The following ATP11A variants were observed in gnomAD, a reference collection of about 807,000 sequenced individuals.
ATP11A encodes the protein ATPase phospholipid transporting 11A, also known as phospholipid-transporting ATPase IH.
A neutral mutation model predicts 154.4 loss-of-function variants in ATP11A; 81 were observed. The ratio of observed to expected loss-of-function variants is 0.52; its 90% CI spans 0.44 to 0.63. The LOEUF is 0.63. Ranked by LOEUF, ATP11A falls within the 30% of genes least tolerant of loss-of-function variation. The pLI is 0.00. For synonymous variants in ATP11A, 623 were observed against 585.9 expected (o/e 1.06, Z -0.91); for missense variants, 1,316 against 1,474.3 (o/e 0.89, Z 1.76).
At chr13:112,818,692 C>A (rs1234551752) in intron 6 of ATP11A, among the ~76,000 whole-genome samples, 3 of 152,194 alleles carry the variant, frequency 2.0e-5, no homozygotes, top group Non-Finnish European at 2.9e-5. Flanking sequence ...GCATCGGCAT[C>A]ACTGGGCACC....
intron 25 of ATP11A, among the ~76,000 whole-genome samples, chr13:112,864,108 C>G (rs71446659): frequency 1.8e-4 from 9 of 50,926 alleles, no homozygotes; most frequent in Admixed American, 2.5e-4. Flanking sequence ...CCATCACCAC[C>G]TGCGCAGTAA....
intron 8 of ATP11A, among the ~76,000 whole-genome samples, 177 bp from the exon 9 acceptor site, chr13:112,823,168 T>C (rs1042481485): frequency 6.6e-6 from 1 of 152,228 alleles, no homozygotes; most frequent in African/African-American, 2.4e-5. Flanking sequence ...CCCACATCTG[T>C]TCACATGGAC....
intron 2 of ATP11A, among the ~76,000 whole-genome samples, chr13:112,794,800 A>G (rs910498830): frequency 6.6e-6 from 1 of 152,108 alleles, no homozygotes; most frequent in Non-Finnish European, 1.5e-5. Flanking sequence ...CCCGGGAGGC[A>G]GAGGTTGCAG....
chr13:112,753,702 G>A lies in ATP11A; in HGVS notation c.40-31433G>A, dbSNP rs2076750871. 6.6e-6 allele frequency among the ~76,000 whole-genome samples: 1 copy of A among 151,836 alleles called. No individual in the cohort carries two copies. Among genetic ancestry groups the A allele is most frequent in the African/African-American group, 2.4e-5 (1 of 41,306 alleles). ...ATACTTCTTTATTCTTGATATTTTT[G>A]TGTGCCTGATTCCTGACATATTTAT... On this transcript the variant is annotated intron_variant, in intron 1 of 29. Coordinates refer to ENST00000375645, the MANE Select transcript of ATP11A (RefSeq NM_015205.3). The surrounding 1 kb of genome is among the most constrained non-coding windows in gnomAD (Gnocchi z 4.1).
chr13:112,776,183 A>T (rs990795745), intron 1 of ATP11A, among the ~76,000 whole-genome samples: 1 of 152,198 alleles, frequency 6.6e-6, no homozygotes, highest in African/African-American at 2.4e-5. Context: ...GCCCGTCTGC[A>T]TGAAGGCACA....
chr13:112,731,912 C>T (rs1594458471), intron 1 of ATP11A, among the ~76,000 whole-genome samples: 1 of 135,192 alleles, frequency 7.4e-6, no homozygotes, highest in Non-Finnish European at 1.5e-5. Context: ...TGGGGTAAAC[C>T]TACTAGATGG....
chr13:112,778,907 G>A, intron 1 of ATP11A, among the ~76,000 whole-genome samples: 1 of 126,902 alleles, frequency 7.9e-6, no homozygotes, highest in South Asian at 3.0e-4. Flanking sequence ...AGTAGCCACT[G>A]GAGTGAGTAG....
chr13:112,877,933 G>GTCT (rs1566607692), intron 28 of ATP11A, among the ~76,000 whole-genome samples: 2 of 152,188 alleles, frequency 1.3e-5, no homozygotes, highest in Non-Finnish European at 1.5e-5. Flanking sequence ...GGGTCTCTGC[G>GTCT]TCCCACAAGA....
At chr13:112,813,237 GAGGT>G (rs1680695080) in intron 5 of ATP11A, among the ~76,000 whole-genome samples, 1 of 152,034 alleles carries the variant, frequency 6.6e-6, no homozygotes, top group Non-Finnish European at 1.5e-5. Context: ...TTTTTATTTC[GAGGT>G]AATTACGGGA....
intron 1 of ATP11A, among the ~76,000 whole-genome samples, chr13:112,768,755 C>T (rs1041011248): frequency 5.9e-5 from 9 of 152,166 alleles, no homozygotes; most frequent in East Asian, 1.9e-4. Flanking sequence ...AGCGACCCCT[C>T]GGTGTTCCCG....
intron 1 of ATP11A, among the ~76,000 whole-genome samples, chr13:112,772,843 T>A (rs190858546): frequency 1.3e-5 from 2 of 152,392 alleles, no homozygotes; most frequent in East Asian, 3.9e-4. Context: ...TTGTTGGCCA[T>A]TTGCAGGTCT....
chr13:112,793,071 A>G (rs2077903322), intron 2 of ATP11A, among the ~76,000 whole-genome samples: 1 of 152,202 alleles, frequency 6.6e-6, no homozygotes, highest in African/African-American at 2.4e-5. Flanking sequence ...GAGCCCACCA[A>G]TACTGATTAT....
In ATP11A at chr13:112,863,790, A is replaced by G. The variant is rs1486122181; in HGVS notation, c.2991+1215A>G. ...CAGCAGGGTCCATCACCACCTGCAC[A>G]GTAATTCAGTGCAGGCCATGCAGCT... On this transcript the variant is annotated intron_variant, in intron 25 of 29. Transcript: ENST00000375645. Among the ~76,000 whole-genome samples, 3 of 84,042 alleles carry G rather than the reference A, an allele frequency of 3.6e-5. 1 individual carries two copies. Among genetic ancestry groups the G allele is most frequent in the African/African-American group, 4.4e-5 (1 of 22,610 alleles). 55.1% of individuals were successfully genotyped at this position (84,042 alleles called of 152,430 possible).
chr13:112,881,582 G>A, intron 29 of ATP11A: 1 of 1,175,930 alleles, frequency 8.5e-7, no homozygotes, highest in African/African-American at 1.6e-5. Flanking sequence ...CACTCTGTTG[G>A]TACTGAAAAG....
At chr13:112,727,252 G>A (rs1370538745) in intron 1 of ATP11A, among the ~76,000 whole-genome samples, 1 of 152,146 alleles carries the variant, frequency 6.6e-6, no homozygotes, top group African/African-American at 2.4e-5. Flanking sequence ...TCACCATGTT[G>A]GCCAGGCTGG....
chr13:112,778,833 C>T (rs1348497047), intron 1 of ATP11A, among the ~76,000 whole-genome samples: 13 of 78,156 alleles, frequency 1.7e-4, no homozygotes, highest in Non-Finnish European at 2.7e-4. Flanking sequence ...GAGGAGTAGC[C>T]GCTGGAGTGA....
intron 1 of ATP11A, among the ~76,000 whole-genome samples, chr13:112,769,431 C>T (rs2077174673): frequency 6.6e-6 from 1 of 152,244 alleles, no homozygotes; most frequent in South Asian, 2.1e-4. Context: ...GCCCGTGACC[C>T]GGGTCCCTGG....
chr13:112,747,121 C>A (rs1333599446), intron 1 of ATP11A: 1 of 152,028 alleles, frequency 6.6e-6, no homozygotes, highest in African/African-American at 2.4e-5. Context: ...GTAGGGATCA[C>A]CCGTCTGCTC....
chr13:112,785,023 G>C lies in ATP11A; in HGVS notation c.40-112G>C, dbSNP rs1176828981. ...CCTGCAGCCCTGAACGATGCTCTCA[G>C]CAGCAGGTACAGGTCTCCGTTCCGA... On this transcript the variant is annotated intron_variant, in intron 1 of 29. Coordinates refer to ENST00000375645, the MANE Select transcript of ATP11A (RefSeq NM_015205.3). The surrounding 1 kb of genome is among the most constrained non-coding windows in gnomAD (Gnocchi z 4.8). The C allele has an allele frequency of 4.5e-5, 58 of 1,294,538 alleles. No homozygotes were observed. Among genetic ancestry groups the C allele is most frequent in the Admixed American group, 9.2e-5 (3 of 32,778 alleles). 80.2% of individuals were successfully genotyped at this position (1,294,538 alleles called of 1,614,324 possible).
Sources: allele counts gnomAD v4.1 joint callset (sites outside exome capture counted in the v4.1 genomes callset), GRCh38; gene constraint gnomAD v4.1.1; non-coding constraint Gnocchi (gnomAD v3.1); transcripts MANE v1.5; gene names NCBI Gene and HGNC (gene_info 2026-07-23, HGNC 2026-07-21).